SCMH1: variants seen among roughly 807,000 people sequenced by gnomAD.
SCMH1 encodes Scm polycomb group protein homolog 1.
In SCMH1, 37 loss-of-function variants were observed where a neutral mutation model predicts 70.8. That is an observed-to-expected ratio of 0.52 (90% CI 0.40 to 0.69). The LOEUF is 0.69. SCMH1 is among the 30% of genes least tolerant of loss of function. The pLI, the probability that SCMH1 is intolerant of heterozygous loss-of-function variation, is 0.00. For missense variants in SCMH1, 607 were observed against 827.3 expected (o/e 0.73, Z 3.27); for synonymous variants, 292 against 307.4 (o/e 0.95, Z 0.52).
At chr1:41,071,905 C>A (rs1177010198) in intron 9 of SCMH1, among the ~76,000 whole-genome samples, 1 of 152,232 alleles carries the variant, frequency 6.6e-6, no homozygotes, top group African/African-American at 2.4e-5. Flanking sequence ...CTCAAGCGAT[C>A]CTCCTACCTT....
chr1:41,221,383 A>C (rs1339732403), intron 1 of SCMH1, among the ~76,000 whole-genome samples: 1 of 152,148 alleles, frequency 6.6e-6, no homozygotes, highest in East Asian at 1.9e-4. Context: ...TGTACATTTA[A>C]AAATGGTTAA....
At chr1:41,201,935 G>A (rs1373565587) in intron 1 of SCMH1, among the ~76,000 whole-genome samples, 1 of 152,142 alleles carries the variant, frequency 6.6e-6, no homozygotes, top group African/African-American at 2.4e-5. Context: ...AAATAACTCA[G>A]GAAATCTTTG....
intron 6 of SCMH1, among the ~76,000 whole-genome samples, chr1:41,141,765 T>C (rs1417754393): frequency 6.6e-6 from 1 of 152,214 alleles, no homozygotes; most frequent in African/African-American, 2.4e-5. Context: ...ACATATCAAC[T>C]AACTGCAATG....
At chr1:41,228,847 G>T (rs548346957) in intron 1 of SCMH1, among the ~76,000 whole-genome samples, 1 of 152,108 alleles carries the variant, frequency 6.6e-6, no homozygotes, top group Admixed American at 6.6e-5. Flanking sequence ...ATGATTAAAG[G>T]GGACCCAGAG....
chr1:41,134,400 T>C (rs1642923528), intron 6 of SCMH1, among the ~76,000 whole-genome samples: 1 of 152,090 alleles, frequency 6.6e-6, no homozygotes, highest in Admixed American at 6.6e-5. Context: ...CTCTCACCAC[T>C]CCTATTCAAC....
chr1:41,193,729 T>G (rs1334545548), intron 1 of SCMH1, among the ~76,000 whole-genome samples: 1 of 152,166 alleles, frequency 6.6e-6, no homozygotes, highest in African/African-American at 2.4e-5. Context: ...TGACAGAAAC[T>G]GAATGAGCTG....
chr1:41,071,418 G>C (rs1447938509), intron 9 of SCMH1, among the ~76,000 whole-genome samples: 1 of 152,010 alleles, frequency 6.6e-6, no homozygotes, highest in African/African-American at 2.4e-5. Flanking sequence ...GTATTGTCAT[G>C]ATATGTTTAC....
intron 8 of SCMH1, among the ~76,000 whole-genome samples, chr1:41,089,197 T>C (rs898483421): frequency 2.6e-5 from 4 of 152,226 alleles, no homozygotes; most frequent in Admixed American, 6.5e-5. Flanking sequence ...TATTACCAGC[T>C]TAGAAATTTC....
intron 8 of SCMH1, among the ~76,000 whole-genome samples, chr1:41,102,010 C>T (rs1307724686): frequency 6.6e-6 from 1 of 152,214 alleles, no homozygotes; most frequent in Non-Finnish European, 1.5e-5. Context: ...ATGAAGGACA[C>T]TAGGCCTCTG....
chr1:41,152,944 G>A (rs1645196251), intron 4 of SCMH1, among the ~76,000 whole-genome samples: 1 of 152,286 alleles, frequency 6.6e-6, no homozygotes, highest in South Asian at 2.1e-4. Flanking sequence ...TAATCAACAT[G>A]ACTAGACAGT....
chr1:41,228,624 TA>T (rs1196701763), intron 1 of SCMH1, among the ~76,000 whole-genome samples: 58 of 141,202 alleles, frequency 4.1e-4, no homozygotes, highest in African/African-American at 7.0e-4. Flanking sequence ...TTCTACAAAA[TA>T]AAAAAAAAAA....
intron 10 of SCMH1, among the ~76,000 whole-genome samples, chr1:41,054,086 C>T (rs111908123): frequency 0.035 from 5,362 of 152,094 alleles, 144 homozygotes; most frequent in Non-Finnish European, 0.052. Flanking sequence ...CCTCATGATC[C>T]GCCTGCCTCG....
At chr1:41,067,399 G>A (rs1415853395) in intron 10 of SCMH1, among the ~76,000 whole-genome samples, 3 of 145,066 alleles carry the variant, frequency 2.1e-5, no homozygotes, top group Non-Finnish European at 3.0e-5. Flanking sequence ...AGCTGAGATC[G>A]CGCCACTGCA....
At chr1:41,183,020 A>ACCTATG (rs1649249795) in intron 2 of SCMH1, among the ~76,000 whole-genome samples, 1 of 152,204 alleles carries the variant, frequency 6.6e-6, no homozygotes, top group African/African-American at 2.4e-5. Flanking sequence ...GTTTCAGAGT[A>ACCTATG]TATTATAATA....
At chr1:41,238,718 TAC>T (rs907254965) in intron 1 of SCMH1, among the ~76,000 whole-genome samples, 1 of 152,210 alleles carries the variant, frequency 6.6e-6, no homozygotes, top group African/African-American at 2.4e-5. Flanking sequence ...TAGCTACCCA[TAC>T]ACAGAGACCT....
At chr1:41,076,499 G>A (rs1403475282) in intron 8 of SCMH1, among the ~76,000 whole-genome samples, 4 of 152,048 alleles carry the variant, frequency 2.6e-5, no homozygotes, top group Non-Finnish European at 5.9e-5. Flanking sequence ...CACTCTCATG[G>A]AGCTTACCTC....
chr1:41,046,150 G>A (rs1041056346), intron 12 of SCMH1, among the ~76,000 whole-genome samples: 4 of 152,150 alleles, frequency 2.6e-5, no homozygotes, highest in Admixed American at 6.5e-5. Flanking sequence ...GGGGAATTGC[G>A]AACCACCTTT....
At chr1:41,241,315 G>A (rs1663472913) in intron 1 of SCMH1, among the ~76,000 whole-genome samples, 1 of 152,250 alleles carries the variant, frequency 6.6e-6, no homozygotes, top group Non-Finnish European at 1.5e-5. Context: ...ATGCTCTCGG[G>A]CTGGCACACA....
chr1:41,210,565 C>T (rs1224524190), intron 1 of SCMH1, among the ~76,000 whole-genome samples: 1 of 152,148 alleles, frequency 6.6e-6, no homozygotes, highest in Non-Finnish European at 1.5e-5. Context: ...ACATCTACAA[C>T]CATCTGATCT....
Sources: gnomAD v4.1 joint callset for allele counts (sites outside exome capture counted in the v4.1 genomes callset) on GRCh38, gnomAD v4.1.1 for gene constraint, MANE v1.5 for transcripts, NCBI Gene and HGNC (gene_info 2026-07-23, HGNC 2026-07-21) for gene names.